F8: variants seen among roughly 807,000 people sequenced by gnomAD.
F8 encodes antihemophilic factor.
In F8, 12 loss-of-function variants were observed where a neutral mutation model predicts 140.6. That is an observed-to-expected ratio of 0.09 (90% confidence interval 0.05 to 0.14). The LOEUF is 0.14. Ranked by LOEUF, F8 falls within the 10% of genes least tolerant of loss-of-function variation. F8 has a pLI of 1.00. For synonymous variants in F8, 585 were observed against 614.6 expected (o/e 0.95, Z 0.71); for missense variants, 1,354 against 1,720.7 (o/e 0.79, Z 3.77).
intron 13 of F8, among the ~76,000 whole-genome samples, chrX:154,935,637 G>C (rs2073219955): frequency 1.8e-5 from 2 of 111,433 alleles, no homozygotes; most frequent in Non-Finnish European, 3.8e-5. Context: ...AGCCTTCCTA[G>C]ATGTGACATC....
Position 154,847,830 on chromosome X carries a change from G to A in F8, c.6901-10078C>T, listed in dbSNP as rs140389299. 5.1e-3 allele frequency among the ~76,000 whole-genome samples: 575 copies of A among 113,152 alleles called. 1 individual carries two copies. Among genetic ancestry groups the A allele is most frequent in the Middle Eastern group, 9.2e-3 (2 of 218 alleles). ...CCAGCTTTGTTCCGTTGCTGGCGAG[G>A]AGCTGCGTTCCTTTGGAGTAGGAGA... On this transcript the variant is annotated intron_variant, in intron 25 of 25. Coordinates refer to ENST00000360256, the MANE Select transcript of F8 (RefSeq NM_000132.4).
intron 14 of F8, among the ~76,000 whole-genome samples, chrX:154,928,229 G>A (rs888986340): frequency 3.6e-5 from 4 of 111,525 alleles, no homozygotes; most frequent in African/African-American, 1.3e-4. Flanking sequence ...TTGCCCTCTG[G>A]ATCCCCAGTA....
chrX:154,924,329 C>G (rs906900828), intron 14 of F8, among the ~76,000 whole-genome samples: 2 of 111,704 alleles, frequency 1.8e-5, no homozygotes, highest in African/African-American at 6.5e-5. Context: ...GTTTGGAACT[C>G]TCTAGAGACT....
At chrX:154,999,434 A>C in intron 2 of F8, 45 bp downstream of exon 2, 1 of 1,177,940 alleles carries the variant, frequency 8.5e-7, no homozygotes, top group Non-Finnish European at 1.1e-6. Context: ...GATAGAAAAT[A>C]AGATACCCAA....
intron 6 of F8, among the ~76,000 whole-genome samples, chrX:154,982,342 G>A (rs2073530559): frequency 9.5e-6 from 1 of 104,802 alleles, no homozygotes; most frequent in Non-Finnish European, 2.0e-5. Context: ...AGCTACTCGG[G>A]AGGCTGAGGC....
intron 18 of F8, among the ~76,000 whole-genome samples, chrX:154,902,733 AAG>A (rs781913844): frequency 1.1e-3 from 126 of 112,201 alleles, no homozygotes; most frequent in Non-Finnish European, 2.1e-3. Context: ...CTGCAGGAGA[AAG>A]AGTCAACAAG....
At position 154,906,579 on chromosome X, in the gene F8, G is replaced by GA; in HGVS notation, c.5220-7dup. 8.3e-7 allele frequency: 1 copy of GA among 1,209,311 alleles called. No individual in the cohort carries two copies. ...GGACACTGCCACTCTGAGCCCTGGAGAAAAAAAGCAGAGGAAAAGCAATAA... is the reference window on the plus strand; with the variant it reads ...GGACACTGCCACTCTGAGCCCTGGAGAAAAAAAAGCAGAGGAAAAGCAATAA... On this transcript the variant is annotated splice_polypyrimidine_tract_variant and splice_region_variant and intron_variant, in intron 14 of 25. Transcript: ENST00000360256.
chrX:154,977,435 G>T (rs2073493146), intron 6 of F8: 1 of 111,065 alleles, frequency 9.0e-6, no homozygotes, highest in Non-Finnish European at 1.9e-5. Context: ...ACTCCCTTTA[G>T]CATTTCCTGT....
intron 1 of F8, among the ~76,000 whole-genome samples, chrX:155,009,441 T>A (rs1351122126): frequency 9.0e-6 from 1 of 111,706 alleles, no homozygotes; most frequent in Non-Finnish European, 1.9e-5. Flanking sequence ...TCACTTTAAA[T>A]GTTTCTGATT....
chrX:155,021,316 C>T (rs2073759412), intron 1 of F8, among the ~76,000 whole-genome samples: 1 of 110,237 alleles, frequency 9.1e-6, no homozygotes, highest in Admixed American at 9.7e-5. Context: ...GGGTGGGGAG[C>T]CAAACAGAAA....
chrX:154,897,266 GAC>G (rs1308448273), intron 21 of F8, among the ~76,000 whole-genome samples: 33 of 112,467 alleles, frequency 2.9e-4, no homozygotes, highest in African/African-American at 9.7e-4. Context: ...ACACATGCCT[GAC>G]ACACACAATT....
intron 14 of F8, among the ~76,000 whole-genome samples, chrX:154,906,932 TAAAATTGTGAACTAAA>T (rs1189302732): frequency 1.8e-5 from 2 of 112,264 alleles, no homozygotes; most frequent in Non-Finnish European, 3.8e-5. Context: ...AAAGCCCTAT[TAAAATTGTGAACTAAA>T]AAAATTGTGA....
At chrX:154,959,414 A>C (rs1328187711) in intron 10 of F8, among the ~76,000 whole-genome samples, 1 of 111,614 alleles carries the variant, frequency 9.0e-6, no homozygotes, top group African/African-American at 3.3e-5. Context: ...TTGGATAGCA[A>C]GCAATACATA....
At chrX:154,918,369 C>T (rs1425727107) in intron 14 of F8, among the ~76,000 whole-genome samples, 2 of 111,240 alleles carry the variant, frequency 1.8e-5, no homozygotes, top group African/African-American at 6.5e-5. Context: ...GCCCCGCCTC[C>T]ATCCTTTGTC....
chrX:154,983,532 C>T lies in F8; in HGVS notation c.787+1155G>A, dbSNP rs933562880. ...GCCAGTTGGGACAAATGTAAACAAA[C>T]GTAAAGATCCAGTATTAAATCGTAA... On this transcript the variant is annotated intron_variant, in intron 6 of 25. Coordinates refer to ENST00000360256, the MANE Select transcript of F8 (RefSeq NM_000132.4). Among the ~76,000 whole-genome samples the T allele has an allele frequency of 2.7e-5, 3 of 111,089 alleles. No individual in the cohort carries two copies. In the Admixed American group the frequency reaches 2.9e-4, roughly 11 times the overall value.
In F8 at chrX:154,913,025, G is replaced by T. The variant is rs189391931; in HGVS notation, c.5220-6452C>A. On this transcript the variant is annotated intron_variant, in intron 14 of 25. Coordinates refer to ENST00000360256, the MANE Select transcript of F8 (RefSeq NM_000132.4). Reference sequence around the variant, plus strand: ...ACATGGGGATTATTTTGCCTTACATGAAATGTAAGGCAAAAATTGCCCTTG... The same window carrying T: ...ACATGGGGATTATTTTGCCTTACATTAAATGTAAGGCAAAAATTGCCCTTG... Among the ~76,000 whole-genome samples the T allele has an allele frequency of 1.0e-2, 1,101 of 110,366 alleles. 15 individuals are homozygous for T. Among genetic ancestry groups the T allele is most frequent in the African/African-American group, 0.035 (1,051 of 30,364 alleles).
chrX:154,865,427 G>T (rs1431889813), intron 22 of F8, among the ~76,000 whole-genome samples: 1 of 110,386 alleles, frequency 9.1e-6, no homozygotes, highest in African/African-American at 3.3e-5. Flanking sequence ...ATAGACTATT[G>T]TAACACTATA....
intron 22 of F8, among the ~76,000 whole-genome samples, chrX:154,878,499 G>C (rs28840828): frequency 0.027 from 2,261 of 84,045 alleles, 23 homozygotes; most frequent in Middle Eastern, 0.055. Flanking sequence ...ACATGATAAA[G>C]AGCATTCATA....
intron 10 of F8, 116 bp downstream of exon 10, chrX:154,960,959 T>C: frequency 1.9e-6 from 1 of 525,205 alleles, no homozygotes; most frequent in Admixed American, 2.7e-5. Context: ...AGACTGGAGC[T>C]TGAGGTCCGG....
Sources: gnomAD v4.1 joint callset for allele counts (sites outside exome capture counted in the v4.1 genomes callset) on GRCh38, gnomAD v4.1.1 for gene constraint, MANE v1.5 for transcripts, NCBI Gene and HGNC (gene_info 2026-07-23, HGNC 2026-07-21) for gene names.